Variants in SPTSSA observed in about 807,000 individuals in gnomAD.
SPTSSA encodes the protein small subunit of serine palmitoyltransferase A.
In SPTSSA, 8 loss-of-function variants were observed where a neutral mutation model predicts 9.1. That is an observed-to-expected ratio of 0.88 (90% CI 0.51 to 1.58). The LOEUF is 1.58. Ranked by LOEUF, SPTSSA falls within the 40% of genes most tolerant of loss-of-function variation. The pLI is 0.00. For missense variants in SPTSSA, 100 were observed against 93.8 expected (o/e 1.07, Z -0.27); for synonymous variants, 42 against 37.7 (o/e 1.11, Z -0.41).
chr14:34,438,270 A>G (rs535059096), intron 1 of SPTSSA, among the ~76,000 whole-genome samples: 2 of 149,622 alleles, frequency 1.3e-5, no homozygotes, highest in East Asian at 3.9e-4. Context: ...GCTTGAGTTG[A>G]GAAGTATTTC....
At position 34,456,799 on chromosome 14, in the gene SPTSSA, C is replaced by T. The variant is rs144854035; in HGVS notation, c.112+5297G>A. Among the ~76,000 whole-genome samples, 103 of 149,868 alleles carry T rather than the reference C, an allele frequency of 6.9e-4. 1 individual carries two copies. The highest frequency in any genetic ancestry group is 3.4e-3 in the Middle Eastern group (1 of 292). On this transcript the variant is annotated intron_variant, in intron 1 of 1. Coordinates refer to ENST00000298130, the MANE Select transcript of SPTSSA (RefSeq NM_138288.4). The stretch of plus-strand genomic sequence containing the variant: ...CTGTAGTCCCAGCTACTCGGGAGGG[C>T]AAGGCGGAACAATTGCTTGAATCCA...
At chr14:34,446,810 T>C (rs1883429579) in intron 1 of SPTSSA, among the ~76,000 whole-genome samples, 1 of 152,218 alleles carries the variant, frequency 6.6e-6, no homozygotes, top group Non-Finnish European at 1.5e-5. Context: ...GTGAAAGTTA[T>C]GCTAAATAAT....
rs376742613 is a variant in SPTSSA, at chr14:34,443,134, G to GGTGTGTGTGTGTGTGTGTGT, written c.113-7850_113-7831dup. On this transcript the variant is annotated intron_variant, in intron 1 of 1. Transcript: ENST00000298130. Reference sequence around the variant, plus strand: ...TTCAAGCGATTCTCCTGCTTCTAGGGGTGTGTGTGTGTGTGTGTGTGTGTG... The same window carrying GGTGTGTGTGTGTGTGTGTGT: ...TTCAAGCGATTCTCCTGCTTCTAGGGGTGTGTGTGTGTGTGTGTGTGTGTGTGTGTGTGTGTGTGTGTGTG... 1.2e-3 allele frequency among the ~76,000 whole-genome samples: 43 copies of GGTGTGTGTGTGTGTGTGTGT among 36,976 alleles called. 4 individuals carry two copies. Among genetic ancestry groups the GGTGTGTGTGTGTGTGTGTGT allele is most frequent in the Non-Finnish European group, 1.5e-3 (35 of 22,608 alleles). 24.3% of individuals were successfully genotyped at this position (36,976 alleles called of 152,430 possible).
At chr14:34,438,137 A>C (rs942783858) in intron 1 of SPTSSA, among the ~76,000 whole-genome samples, 4 of 152,134 alleles carry the variant, frequency 2.6e-5, no homozygotes, top group Non-Finnish European at 5.9e-5. Flanking sequence ...TAGCTTGCTC[A>C]ATTTTGTTAC....
chr14:34,455,801 G>A (rs539522903), intron 1 of SPTSSA, among the ~76,000 whole-genome samples: 14 of 151,892 alleles, frequency 9.2e-5, no homozygotes, highest in South Asian at 6.2e-4. Context: ...GCATGGTGGC[G>A]TGCAACTGTA....
chr14:34,442,953 GGGGTGTGT>G (rs1180846886), intron 1 of SPTSSA, among the ~76,000 whole-genome samples: 5 of 108,570 alleles, frequency 4.6e-5, no homozygotes, highest in East Asian at 7.2e-4. Context: ...CATGTCTAGG[GGGGTGTGT>G]GTGTGTGTGT....
chr14:34,456,320 C>A (rs896798149), intron 1 of SPTSSA, among the ~76,000 whole-genome samples: 3 of 151,824 alleles, frequency 2.0e-5, no homozygotes, highest in African/African-American at 7.3e-5. Flanking sequence ...AAAACCCTAT[C>A]TCAAAAAAAT....
intron 1 of SPTSSA, among the ~76,000 whole-genome samples, chr14:34,459,158 G>A (rs142086686): frequency 5.7e-4 from 86 of 152,098 alleles, no homozygotes; most frequent in East Asian, 1.5e-3. Flanking sequence ...TGGGCCAGGC[G>A]CGGTGGCTCA....
At chr14:34,460,560 A>C (rs1005428272) in intron 1 of SPTSSA, among the ~76,000 whole-genome samples, 42 of 152,224 alleles carry the variant, frequency 2.8e-4, no homozygotes, top group Non-Finnish European at 5.3e-4. Context: ...TTTAGTGTGT[A>C]AAATCTATAT....
intron 1 of SPTSSA, among the ~76,000 whole-genome samples, chr14:34,437,090 G>C (rs1883252842): frequency 6.6e-6 from 1 of 152,136 alleles, no homozygotes; most frequent in Non-Finnish European, 1.5e-5. Context: ...AAATCCAAAG[G>C]CTGTTTGAAT....
chr14:34,457,343 G>C (rs117068134), intron 1 of SPTSSA, among the ~76,000 whole-genome samples: 1,764 of 152,238 alleles, frequency 0.012, 12 homozygotes, highest in Non-Finnish European at 0.016. Flanking sequence ...GTGTCTCACT[G>C]TTACAAAAGC....
Position 34,435,128 on chromosome 14 carries a change from C to T in SPTSSA, c.*73G>A, listed in dbSNP as rs1594615392. ...TGACATCTAGAAGAGTTTCTTATCA[C>T]ATCTGATGGTCTCATTCCAACTTCG... is the stretch of plus-strand genomic sequence containing the variant. On this transcript the variant is annotated 3_prime_UTR_variant, in exon 2 of 2. Coordinates refer to ENST00000298130, the MANE Select transcript of SPTSSA (RefSeq NM_138288.4). The T allele has an allele frequency of 1.1e-5, 13 of 1,174,510 alleles. No homozygotes were observed. The East Asian group carries it at 2.7e-4, about 24-fold the overall frequency. The allele number at this position is 1,174,510 out of a possible 1,614,324, so 72.8% of individuals were successfully genotyped here. A position where few individuals can be genotyped will look rare whatever the true frequency, so the allele number is the denominator to read the frequency against.
intron 1 of SPTSSA, among the ~76,000 whole-genome samples, chr14:34,457,213 G>A (rs1187536629): frequency 6.6e-6 from 1 of 151,862 alleles, no homozygotes; most frequent in Non-Finnish European, 1.5e-5. Flanking sequence ...CTTGACCTCA[G>A]GTGATCCAGC....
At chr14:34,442,299 T>C (rs925293135) in intron 1 of SPTSSA, among the ~76,000 whole-genome samples, 1 of 152,228 alleles carries the variant, frequency 6.6e-6, no homozygotes, top group Non-Finnish European at 1.5e-5. Flanking sequence ...CTTCTTTTCT[T>C]ACACTAAATT....
At chr14:34,435,398 T>C (rs1276022785) in intron 1 of SPTSSA, 94 bp from the exon 2 acceptor site, 1 of 788,982 alleles carries the variant, frequency 1.3e-6, no homozygotes, top group Non-Finnish European at 2.0e-6. Flanking sequence ...AAGTACCCAT[T>C]CACTTAGTGC....
intron 1 of SPTSSA, among the ~76,000 whole-genome samples, chr14:34,448,386 C>T (rs1483909822): frequency 1.3e-5 from 2 of 152,152 alleles, no homozygotes; most frequent in African/African-American, 4.8e-5. Context: ...CCCTCTGCCT[C>T]CCATAAAGAT....
rs35426259 is a variant in SPTSSA at position 34,458,663 on chromosome 14, A to ATTTTT, written c.112+3428_112+3432dup. ...AGTCGTGCGCCACCACACTCAGCTA[A>ATTTTT]TTTTTTTTTTTTTTTTTTTTTTTTG... On this transcript the variant is annotated intron_variant, in intron 1 of 1. Transcript: ENST00000298130. Among the ~76,000 whole-genome samples the ATTTTT allele has an allele frequency of 8.7e-4, 78 of 89,636 alleles. 1 individual carries two copies. The highest frequency in any genetic ancestry group is 3.3e-3 in the African/African-American group (66 of 19,768). 58.8% of individuals were successfully genotyped at this position (89,636 alleles called of 152,430 possible).
intron 1 of SPTSSA, among the ~76,000 whole-genome samples, chr14:34,455,426 C>T (rs954725376): frequency 6.6e-6 from 1 of 151,896 alleles, no homozygotes; most frequent in African/African-American, 2.4e-5. Flanking sequence ...TATATATTCA[C>T]AGAATATCTC....
intron 1 of SPTSSA, among the ~76,000 whole-genome samples, chr14:34,439,402 C>A (rs2138817936): frequency 6.6e-6 from 1 of 151,872 alleles, no homozygotes; most frequent in South Asian, 2.1e-4. Context: ...CTTTGGGAGG[C>A]CGAGGTGGGA....
Sources: gnomAD v4.1 joint callset for allele counts (sites outside exome capture counted in the v4.1 genomes callset) on GRCh38, gnomAD v4.1.1 for gene constraint, MANE v1.5 for transcripts, NCBI Gene and HGNC (gene_info 2026-07-23, HGNC 2026-07-21) for gene names.